Variants in ENOX1 observed in about 807,000 individuals in gnomAD.
ENOX1 encodes the protein candidate growth-related and time keeping constitutive hydroquinone (NADH) oxidase.
In ENOX1, 42 loss-of-function variants were observed where a neutral mutation model predicts 82.5. That is an observed-to-expected ratio of 0.51 (90% CI 0.40 to 0.66). The LOEUF is 0.66. Among genes scored for constraint, ENOX1 ranks in the 30% least tolerant of loss-of-function variants. ENOX1 has a pLI of 0.00. For synonymous variants in ENOX1, 271 were observed against 282.2 expected (o/e 0.96, Z 0.40); for missense variants, 608 against 811.6 (o/e 0.75, Z 3.05).
At chr13:43,413,719 TTA>T (rs199605170) in intron 3 of ENOX1, among the ~76,000 whole-genome samples, 37 of 144,146 alleles carry the variant, frequency 2.6e-4, no homozygotes, top group Middle Eastern at 3.6e-3. Context: ...TTATATATAT[TTA>T]TATATATATA....
intron 3 of ENOX1, among the ~76,000 whole-genome samples, chr13:43,448,582 C>G (rs1042723320): frequency 6.6e-6 from 1 of 152,184 alleles, no homozygotes; most frequent in Non-Finnish European, 1.5e-5. Flanking sequence ...GGAAATGCAG[C>G]AGCACAAAGA....
At chr13:43,539,350 A>G (rs1364595115) in intron 2 of ENOX1, among the ~76,000 whole-genome samples, 1 of 152,148 alleles carries the variant, frequency 6.6e-6, no homozygotes, top group African/African-American at 2.4e-5. Context: ...TGCATTTTAT[A>G]TATTTTGATA....
At chr13:43,364,756 G>GT (rs1483623160) in intron 5 of ENOX1, among the ~76,000 whole-genome samples, 1 of 152,208 alleles carries the variant, frequency 6.6e-6, no homozygotes, top group Non-Finnish European at 1.5e-5. Flanking sequence ...AGTTACAGAG[G>GT]TAACAGTAGT....
rs1197717819 is a variant in ENOX1, at chr13:43,756,962, A to AC, written c.-285+29689_-285+29690insG. 8.8e-4 allele frequency among the ~76,000 whole-genome samples: 84 copies of AC among 95,338 alleles called. 1 individual carries two copies. Among genetic ancestry groups the AC allele is most frequent in the African/African-American group, 2.9e-3 (79 of 27,674 alleles). The allele number at this position is 95,338 out of a possible 152,430, so 62.5% of individuals were successfully genotyped here. ...GTGAGACTGTGTCTCAACAACAACA[A>AC]AAACAACAACAAAAAAAAAAAAAAA... On this transcript the variant is annotated intron_variant, in intron 1 of 16. Transcript: ENST00000690772.
At chr13:43,762,149 AT>A (rs141863185) in intron 1 of ENOX1, among the ~76,000 whole-genome samples, 2,066 of 152,302 alleles carry the variant, frequency 0.014, 51 homozygotes, top group African/African-American at 0.048. Context: ...AAACTCATAA[AT>A]TAAAGCAGCT....
rs56828107 is a variant in ENOX1 at position 43,470,342 on chromosome 13, G to GTATA, written c.-75+13663_-75+13666dup. ...CACATATATATATGTATATATATAC[G>GTATA]TATATATATATGTATATATATACGT... On this transcript the variant is annotated intron_variant, in intron 3 of 16. Transcript: ENST00000690772. Among the ~76,000 whole-genome samples, 7 of 43,052 alleles carry GTATA rather than the reference G, an allele frequency of 1.6e-4. 2 individuals are homozygous for GTATA. The highest frequency in any genetic ancestry group is 3.6e-4 in the Non-Finnish European group (7 of 19,558). 28.2% of individuals were successfully genotyped at this position (43,052 alleles called of 152,430 possible). A position where few individuals can be genotyped will look rare whatever the true frequency, so the allele number is the denominator to read the frequency against.
intron 1 of ENOX1, among the ~76,000 whole-genome samples, chr13:43,745,675 G>A (rs1949983987): frequency 6.6e-6 from 1 of 152,176 alleles, no homozygotes; most frequent in Admixed American, 6.6e-5. Flanking sequence ...ATATGGTTTG[G>A]CTGTGTCCCT....
chr13:43,460,725 C>T (rs28673336), intron 3 of ENOX1, among the ~76,000 whole-genome samples: 3 of 141,694 alleles, frequency 2.1e-5, no homozygotes, highest in Non-Finnish European at 4.5e-5. Flanking sequence ...ACCCGGGAAG[C>T]GGAGCTTGCA....
intron 7 of ENOX1, among the ~76,000 whole-genome samples, 173 bp from the exon 8 acceptor site, chr13:43,356,325 T>G (rs1466212655): frequency 1.3e-5 from 2 of 152,152 alleles, no homozygotes; most frequent in Non-Finnish European, 2.9e-5. Context: ...ATCTTGAAGC[T>G]CTGTAAAGTT....
At chr13:43,388,270 A>C (rs2052553961) in intron 5 of ENOX1, among the ~76,000 whole-genome samples, 1 of 152,236 alleles carries the variant, frequency 6.6e-6, no homozygotes, top group Non-Finnish European at 1.5e-5. Context: ...AAACAGGAAA[A>C]GACCATTAGG....
At chr13:43,591,748 ATTTGTCTCAGACCCCTCCCACCTGCAT>A (rs1194133895) in intron 2 of ENOX1, among the ~76,000 whole-genome samples, 2 of 152,180 alleles carry the variant, frequency 1.3e-5, no homozygotes, top group Admixed American at 6.5e-5. Context: ...CTTTGGCCAG[ATTTGTCTCAGACCCCTCCCACCTGCAT>A]TTTGTCTCAG....
chr13:43,612,771 C>A (rs1341423587), intron 2 of ENOX1, among the ~76,000 whole-genome samples: 1 of 152,176 alleles, frequency 6.6e-6, no homozygotes, highest in Non-Finnish European at 1.5e-5. Flanking sequence ...GCATTATGAT[C>A]TGTGCCTTCC....
At chr13:43,371,526 T>G (rs577917802) in intron 5 of ENOX1, among the ~76,000 whole-genome samples, 1 of 152,334 alleles carries the variant, frequency 6.6e-6, no homozygotes, top group African/African-American at 2.4e-5. Flanking sequence ...AATGTCTTTA[T>G]AGGAAACTTC....
intron 2 of ENOX1, among the ~76,000 whole-genome samples, chr13:43,635,691 C>T (rs1463506082): frequency 6.6e-6 from 1 of 151,924 alleles, no homozygotes; most frequent in East Asian, 1.9e-4. Flanking sequence ...TACTCATAGG[C>T]AGATAAGGCA....
Position 43,246,046 on chromosome 13 carries a change from G to A in ENOX1, c.1612-9308C>T, listed in dbSNP as rs1017705696. 1.7e-4 allele frequency among the ~76,000 whole-genome samples: 26 copies of A among 152,278 alleles called. 1 individual carries two copies. The highest frequency in any genetic ancestry group is 6.0e-4 in the African/African-American group (25 of 41,550). ...ATATCCAGATACAGCATTTATCCTG[G>A]TGGCCTTCTTTCTAGGTCATCTTTG... On this transcript the variant is annotated intron_variant, in intron 14 of 16. Coordinates refer to ENST00000690772, the MANE Select transcript of ENOX1 (RefSeq NM_001347969.2).
chr13:43,380,035 AT>A (rs1483563720), intron 5 of ENOX1, among the ~76,000 whole-genome samples: 1 of 151,912 alleles, frequency 6.6e-6, no homozygotes, highest in Non-Finnish European at 1.5e-5. Context: ...TTAAAAAAAA[AT>A]CTTTTCTTTA....
chr13:43,213,930 T>A lies in ENOX1; in HGVS notation c.*60A>T, dbSNP rs111431363. 3.4e-5 allele frequency: 53 copies of A among 1,566,522 alleles called. 1 individual carries two copies. The Middle Eastern group carries it at 3.2e-3, about 96-fold the overall frequency. On this transcript the variant is annotated 3_prime_UTR_variant, in exon 17 of 17. Coordinates refer to ENST00000690772, the MANE Select transcript of ENOX1 (RefSeq NM_001347969.2). ...CAACCCCACACCTCCTGCTTCCCCG[T>A]CGCACCGCCCTGGCCAGGTTCACAT...
At chr13:43,767,847 C>T (rs1279841312) in intron 1 of ENOX1, among the ~76,000 whole-genome samples, 1 of 152,172 alleles carries the variant, frequency 6.6e-6, no homozygotes. Flanking sequence ...ACACTGGATG[C>T]CAGATGCAAT....
intron 14 of ENOX1, among the ~76,000 whole-genome samples, chr13:43,263,531 T>A (rs2044200331): frequency 1.3e-5 from 2 of 152,224 alleles, no homozygotes. Context: ...AAGTGACTTT[T>A]AAAATTTTTC....
Sources: gnomAD v4.1 joint callset for allele counts (sites outside exome capture counted in the v4.1 genomes callset) on GRCh38, gnomAD v4.1.1 for gene constraint, MANE v1.5 for transcripts, NCBI Gene and HGNC (gene_info 2026-07-23, HGNC 2026-07-21) for gene names.